The following RBMS3 variants were observed in gnomAD, a reference collection of about 807,000 sequenced individuals.
RBMS3 encodes RNA-binding motif, single-stranded-interacting protein 3.
A neutral mutation model predicts 66.8 loss-of-function variants in RBMS3; 27 were observed. The ratio of observed to expected loss-of-function variants is 0.40; its 90% confidence interval spans 0.30 to 0.56. The LOEUF (loss-of-function observed/expected upper bound fraction) is 0.56. Among genes scored for constraint, RBMS3 ranks in the 20% least tolerant of loss-of-function variants. The probability of loss-of-function intolerance (pLI) is 0.40; values close to 1 mark genes in which losing one functional copy is unlikely to be tolerated. For missense variants in RBMS3, 513 were observed against 549.5 expected, an observed-to-expected ratio of 0.93 and a Z score of 0.66; for synonymous variants, 188 against 183.0, an observed-to-expected ratio of 1.03 and a Z score of -0.22.
At chr3:29,486,676 A>G (rs1252912694) in intron 2 of RBMS3, among the ~76,000 whole-genome samples, 2 of 152,200 alleles carry the variant, frequency 1.3e-5, no homozygotes, top group Non-Finnish European at 2.9e-5. Flanking sequence ...AGTAGAGGAC[A>G]TTCTTGTAAT....
intron 12 of RBMS3, among the ~76,000 whole-genome samples, chr3:29,955,622 T>C (rs1391437858): frequency 2.0e-5 from 3 of 152,002 alleles, no homozygotes; most frequent in African/African-American, 7.2e-5. Flanking sequence ...GTACCATTTG[T>C]TTATGTGTGA....
intron 4 of RBMS3, among the ~76,000 whole-genome samples, chr3:29,696,340 T>C (rs9865224): frequency 0.12 from 17,977 of 152,190 alleles, 2,268 homozygotes; most frequent in African/African-American, 0.32. Flanking sequence ...GCACTTAGCA[T>C]ACAACATAGA....
intron 6 of RBMS3, among the ~76,000 whole-genome samples, chr3:29,815,734 TG>T (rs2057869914): frequency 6.6e-6 from 1 of 151,792 alleles, no homozygotes; most frequent in Non-Finnish European, 1.5e-5. Context: ...AGCTAAGCTA[TG>T]AGGATGCAAA....
At chr3:29,947,748 A>G (rs1020489098) in intron 12 of RBMS3, among the ~76,000 whole-genome samples, 1 of 151,406 alleles carries the variant, frequency 6.6e-6, no homozygotes, top group African/African-American at 2.4e-5. Flanking sequence ...GTAAAATGCC[A>G]TTTTCTATAC....
intron 3 of RBMS3, among the ~76,000 whole-genome samples, chr3:29,505,558 T>C (rs1576042489): frequency 6.6e-6 from 1 of 151,670 alleles, no homozygotes; most frequent in South Asian, 2.1e-4. Flanking sequence ...TAGCTTTGGC[T>C]GTTTGAGGAA....
chr3:29,370,824 G>T (rs2038160017), intron 1 of RBMS3, among the ~76,000 whole-genome samples: 1 of 152,192 alleles, frequency 6.6e-6, no homozygotes, highest in Non-Finnish European at 1.5e-5. Flanking sequence ...ACCTTGATTA[G>T]AATTCAGTCT....
intron 2 of RBMS3, among the ~76,000 whole-genome samples, chr3:29,453,215 A>G (rs191714072): frequency 2.0e-5 from 3 of 152,340 alleles, no homozygotes; most frequent in African/African-American, 7.2e-5. Context: ...TTTAGTATGT[A>G]GCATTTGCTT....
At chr3:29,292,057 G>A (rs913162029) in intron 1 of RBMS3, among the ~76,000 whole-genome samples, 2 of 151,578 alleles carry the variant, frequency 1.3e-5, no homozygotes, top group Non-Finnish European at 3.0e-5. Flanking sequence ...ATCCCCCAAT[G>A]CTGGAGGGCG....
chr3:29,431,902 A>G (rs1559356078), intron 1 of RBMS3, among the ~76,000 whole-genome samples: 2 of 151,710 alleles, frequency 1.3e-5, no homozygotes, highest in Non-Finnish European at 2.9e-5. Flanking sequence ...ATTTTTGTGT[A>G]TTTTTTATAG....
chr3:29,899,970 G>A (rs1169988065), intron 10 of RBMS3, among the ~76,000 whole-genome samples: 1 of 151,356 alleles, frequency 6.6e-6, no homozygotes, highest in African/African-American at 2.4e-5. Flanking sequence ...TAAAGAGAGA[G>A]GGTGAAAAAG....
chr3:29,888,790 A>C (rs1398192268), intron 8 of RBMS3, among the ~76,000 whole-genome samples: 1 of 151,638 alleles, frequency 6.6e-6, no homozygotes, highest in Admixed American at 6.6e-5. Context: ...TCCACTCCTC[A>C]GGACTCTTTC....
chr3:29,876,566 C>A (rs1260177529), intron 7 of RBMS3, among the ~76,000 whole-genome samples: 2 of 152,114 alleles, frequency 1.3e-5, no homozygotes, highest in Admixed American at 1.3e-4. Flanking sequence ...ACACACATGG[C>A]AAAGCATGGT....
At chr3:29,321,591 C>T (rs1372272002) in intron 1 of RBMS3, among the ~76,000 whole-genome samples, 1 of 152,142 alleles carries the variant, frequency 6.6e-6, no homozygotes, top group African/African-American at 2.4e-5. Flanking sequence ...AGTTTTTCCT[C>T]TTGCAATTCC....
rs1335417264 is a variant in RBMS3 at position 29,746,074 on chromosome 3, A to ATAT, written c.557+6198_557+6200dup. Among the ~76,000 whole-genome samples, 15 of 152,316 alleles carry ATAT rather than the reference A, an allele frequency of 9.8e-5. No individual in the cohort carries two copies. In the East Asian group the frequency reaches 2.9e-3, roughly 29 times the overall value. ...TTGTTCTCTTCTTCCATCTGCTGAA[A>ATAT]TATAATGAGACCACAGAAACAGAAT... is the stretch of plus-strand genomic sequence containing the variant. On this transcript the variant is annotated intron_variant, in intron 5 of 14. Transcript: ENST00000383767.
intron 4 of RBMS3, among the ~76,000 whole-genome samples, chr3:29,657,960 A>G (rs2050383516): frequency 6.6e-6 from 1 of 152,216 alleles, no homozygotes; most frequent in Non-Finnish European, 1.5e-5. Flanking sequence ...GCTTCAAGGA[A>G]AATAAATGAA....
At chr3:29,389,553 G>A (rs547392323) in intron 1 of RBMS3, among the ~76,000 whole-genome samples, 1 of 152,172 alleles carries the variant, frequency 6.6e-6, no homozygotes, top group Non-Finnish European at 1.5e-5. Context: ...TTACCAGAAA[G>A]TGCAGGTCCC....
intron 12 of RBMS3, among the ~76,000 whole-genome samples, chr3:29,967,297 ATCT>A (rs916032262): frequency 1.3e-5 from 2 of 151,964 alleles, no homozygotes; most frequent in African/African-American, 4.8e-5. Flanking sequence ...TCTAGTAGAA[ATCT>A]TCTATGAATC....
chr3:29,995,924 CTT>C (rs2125387824), intron 14 of RBMS3, among the ~76,000 whole-genome samples: 1 of 152,090 alleles, frequency 6.6e-6, no homozygotes, highest in African/African-American at 2.4e-5. Flanking sequence ...ACAATATTAA[CTT>C]TAAATGTAAA....
intron 1 of RBMS3, among the ~76,000 whole-genome samples, chr3:29,387,419 C>T (rs2039057384): frequency 6.6e-6 from 1 of 152,184 alleles, no homozygotes; most frequent in Non-Finnish European, 1.5e-5. Flanking sequence ...TCACCTGTCA[C>T]ATAGAATTTT....
Sources: gnomAD v4.1 joint callset for allele counts (sites outside exome capture counted in the v4.1 genomes callset) on GRCh38, gnomAD v4.1.1 for gene constraint, MANE v1.5 for transcripts, NCBI Gene and HGNC (gene_info 2026-07-23, HGNC 2026-07-21) for gene names.